SIGLEC14: variants seen among roughly 807,000 people sequenced by gnomAD.
The protein encoded by SIGLEC14 is sialic acid-binding Ig-like lectin 14.
SIGLEC14 carries 11 observed loss-of-function variants against 34.2 expected under a neutral mutation model. That is an observed-to-expected ratio of 0.32 (90% CI 0.20 to 0.53). The LOEUF (loss-of-function observed/expected upper bound fraction) is 0.53. Ranked by LOEUF, SIGLEC14 falls within the 20% of genes least tolerant of loss-of-function variation. The probability of loss-of-function intolerance (pLI) is 0.95; values close to 1 mark genes in which losing one functional copy is unlikely to be tolerated. For synonymous variants in SIGLEC14, 99 were observed against 179.7 expected (o/e 0.55, Z 3.59); for missense variants, 264 against 439.0 (o/e 0.60, Z 3.56).
rs1299088258 is a variant in SIGLEC14, at chr19:51,642,808, G to C, written c.*547C>G. On this transcript the variant is annotated 3_prime_UTR_variant, in exon 7 of 7. Transcript: ENST00000360844. ...GAGGCCAATGCAGTGGATTGCTTGA[G>C]GTCAGGAGTTCGAGACCTGGCCAAC... 1 of 141,706 alleles carries C rather than the reference G, an allele frequency of 7.1e-6. No homozygotes were observed. Among genetic ancestry groups the C allele is most frequent in the African/African-American group, 2.9e-5 (1 of 34,876 alleles). 8.8% of individuals were successfully genotyped at this position (141,706 alleles called of 1,614,324 possible).
chr19:51,643,397 C>T lies in SIGLEC14; in HGVS notation c.1149G>A (p.Arg383=). The change falls in exon 7 of 7, where the codon AGG becomes AGA. Residue 383 remains arginine, a splice_region_variant and synonymous_variant. Coordinates refer to ENST00000360844, the MANE Select transcript of SIGLEC14 (RefSeq NM_001098612.3). ...CCCTGCTCTGCTGGGGGCCTCCACACCTGCAGAGCCAACATGGGCCTCAGA... is the reference window on the plus strand; with the variant it reads ...CCCTGCTCTGCTGGGGGCCTCCACATCTGCAGAGCCAACATGGGCCTCAGA... The part of the protein sequence containing the change: ...TYGLTWIYYT[R]CGGPQQSRAE... 2 of 1,515,744 alleles carry T rather than the reference C, an allele frequency of 1.3e-6. No individual in the cohort carries two copies. The highest frequency in any genetic ancestry group is 1.8e-6 in the Non-Finnish European group (2 of 1,134,762). The allele number at this position is 1,515,744 out of a possible 1,614,324, so 93.9% of individuals were successfully genotyped here. A position where few individuals can be genotyped will look rare whatever the true frequency, so the allele number is the denominator to read the frequency against.
Position 51,640,835 on chromosome 19 carries a change from C to T in SIGLEC14, c.*2520G>A, listed in dbSNP as rs114661837. Among the ~76,000 whole-genome samples the T allele has an allele frequency of 5.0e-3, 685 of 137,750 alleles. 111 individuals are homozygous for T. Among genetic ancestry groups the T allele is most frequent in the African/African-American group, 0.018 (658 of 36,066 alleles). 90.4% of individuals were successfully genotyped at this position (137,750 alleles called of 152,430 possible). A position where few individuals can be genotyped will look rare whatever the true frequency, so the allele number is the denominator to read the frequency against. On this transcript the variant is annotated 3_prime_UTR_variant, in exon 7 of 7. Coordinates refer to ENST00000360844, the MANE Select transcript of SIGLEC14 (RefSeq NM_001098612.3). ...CTAAATACAAAAAAAACTAGCCAGG[C>T]GTGATGGTGCGTGCCTGTAATCCAA...
rs552633943 is a variant in SIGLEC14 at position 51,646,543 on chromosome 19, G to A, written c.135C>T (p.Tyr45=). The A allele has an allele frequency of 1.2e-3, 630 of 534,856 alleles. 2 individuals are homozygous for A. The highest frequency in any genetic ancestry group is 1.7e-3 in the Non-Finnish European group (583 of 335,684). 33.1% of individuals were successfully genotyped at this position (534,856 alleles called of 1,614,324 possible). A position where few individuals can be genotyped will look rare whatever the true frequency, so the allele number is the denominator to read the frequency against. Residue 45 remains tyrosine (Y), a synonymous_variant, in exon 2 of 7, where the codon TAC becomes TAT. Transcript: ENST00000360844. Reference sequence around the variant, plus strand: ...GAGAGGAATACCAGGATCTCCAGGGGTAAGAGAAGGAGCAGGGCACAAGGA... The same window carrying A: ...GAGAGGAATACCAGGATCTCCAGGGATAAGAGAAGGAGCAGGGCACAAGGA... The part of the protein sequence containing the change: ...LCVLVPCSFS[Y]PWRSWYSSPP...
intron 4 of SIGLEC14, among the ~76,000 whole-genome samples, chr19:51,644,928 C>T (rs1043624174): frequency 7.3e-6 from 1 of 136,712 alleles, no homozygotes; most frequent in Admixed American, 7.1e-5. Flanking sequence ...GTGGGAAAGT[C>T]GAAGGCTCCC....
rs1983922804 is a variant in SIGLEC14 at position 51,642,275 on chromosome 19, T to A, written c.*1080A>T. Among the ~76,000 whole-genome samples the A allele has an allele frequency of 1.4e-5, 2 of 139,122 alleles. 1 individual carries two copies. Among genetic ancestry groups the A allele is most frequent in the South Asian group, 4.8e-4 (2 of 4,138 alleles). The allele number at this position is 139,122 out of a possible 152,430, so 91.3% of individuals were successfully genotyped here. A position where few individuals can be genotyped will look rare whatever the true frequency, so the allele number is the denominator to read the frequency against. Reference sequence around the variant, plus strand: ...ACTGAGAATGAGCTATTGATACGTGTAACAACGTGGATAAACTGGGAAAAC... The same window carrying A: ...ACTGAGAATGAGCTATTGATACGTGAAACAACGTGGATAAACTGGGAAAAC... On this transcript the variant is annotated 3_prime_UTR_variant, in exon 7 of 7. Coordinates refer to ENST00000360844, the MANE Select transcript of SIGLEC14 (RefSeq NM_001098612.3).
Position 51,643,565 on chromosome 19 carries a change from A to G in SIGLEC14, c.1120T>C (p.Tyr374His), listed in dbSNP as rs1460357434. The G allele has an allele frequency of 6.5e-7, 1 of 1,527,884 alleles. No individual in the cohort carries two copies. The highest frequency in any genetic ancestry group is 8.8e-7 in the Non-Finnish European group (1 of 1,139,752). 94.6% of individuals were successfully genotyped at this position (1,527,884 alleles called of 1,614,324 possible). A position where few individuals can be genotyped will look rare whatever the true frequency, so the allele number is the denominator to read the frequency against. The stretch of plus-strand genomic sequence containing the variant: ...GTATAGTAGATCCAGGTGAGGCCAT[A>G]GGTGAGGAGGAAGCCAGCCCCCATG... ...ALMGAGFLLT[Y>H]GLTWIYYTRC... The change falls in exon 6 of 7, where the codon TAT becomes CAT. Residue 374 changes from tyrosine (Y) to histidine (H), a missense_variant. Around this residue, in one of 5 missense-constraint regions of SIGLEC14, gnomAD observed 149 missense variants for 184.4 expected, o/e 0.81. Transcript: ENST00000360844.
Position 51,643,640 on chromosome 19 carries a change from T to G in SIGLEC14, c.1045A>C (p.Lys349Gln). 2.0e-6 allele frequency: 3 copies of G among 1,531,138 alleles called. 1 individual carries two copies. The highest frequency in any genetic ancestry group is 2.6e-6 in the Non-Finnish European group (3 of 1,140,710). The allele number at this position is 1,531,138 out of a possible 1,614,324, so 94.8% of individuals were successfully genotyped here. Reference sequence around the variant, plus strand: ...ACGAGGGGCCAGGAGCCCTGCTGTTTCTCAGTTACACATATGCAGGAAGAG... The same window carrying G: ...ACGAGGGGCCAGGAGCCCTGCTGTTGCTCAGTTACACATATGCAGGAAGAG... ...SSSSCICVTE[K>Q]QQGSWPLVLT... The change falls in exon 6 of 7, where the codon AAA (lysine) becomes CAA (glutamine). Residue 349 changes from lysine to glutamine, a missense_variant. Physicochemically the swap from Lys to Gln is moderately conservative, Grantham distance 53. Transcript: ENST00000360844.
chr19:51,643,237 G>T lies in SIGLEC14; in HGVS notation c.*118C>A. ...AAGTAGAAGGGGTATGGGGCAGGAA[G>T]GAAAAGAGGGGTAGTCAGTGGGATG... On this transcript the variant is annotated 3_prime_UTR_variant, in exon 7 of 7. Transcript: ENST00000360844. 1 of 1,021,290 alleles carries T rather than the reference G, an allele frequency of 9.8e-7. No individual in the cohort carries two copies. Among genetic ancestry groups the T allele is most frequent in the Non-Finnish European group, 1.4e-6 (1 of 696,624 alleles). The allele number at this position is 1,021,290 out of a possible 1,614,324, so 63.3% of individuals were successfully genotyped here.
At position 51,640,151 on chromosome 19, in the gene SIGLEC14, C is replaced by G. The variant is rs1167308837; in HGVS notation, c.*3204G>C. ...TGCTTTTATTATGAAGGAGTAAGCT[C>G]CTAGCAGAGTGAACTCACCACAACA... On this transcript the variant is annotated 3_prime_UTR_variant, in exon 7 of 7. Coordinates refer to ENST00000360844, the MANE Select transcript of SIGLEC14 (RefSeq NM_001098612.3). 1.4e-5 allele frequency among the ~76,000 whole-genome samples: 2 copies of G among 139,080 alleles called. 1 individual carries two copies. Among genetic ancestry groups the G allele is most frequent in the Non-Finnish European group, 3.1e-5 (2 of 65,012 alleles). 91.2% of individuals were successfully genotyped at this position (139,080 alleles called of 152,430 possible).
chr19:51,645,564 G>C, intron 3 of SIGLEC14, 34 bp from the exon 4 acceptor site: 2 of 1,519,548 alleles, frequency 1.3e-6, no homozygotes, highest in Non-Finnish European at 1.8e-6. Flanking sequence ...AGCTTCAGAG[G>C]TGACAAGAGG....
chr19:51,643,684 G>A lies in SIGLEC14; in HGVS notation c.1013-12C>T, dbSNP rs1478138490. The A allele has an allele frequency of 1.3e-6, 2 of 1,531,312 alleles. 1 individual carries two copies. The highest frequency in any genetic ancestry group is 2.4e-5 in the South Asian group (2 of 83,134). 94.9% of individuals were successfully genotyped at this position (1,531,312 alleles called of 1,614,324 possible). ...GGAAGAGGAGCTTCCTGGGAGAAAG[G>A]AGAAGGTAAGGTGCTGTTACCAGGC... On this transcript the variant is annotated splice_polypyrimidine_tract_variant and intron_variant, in intron 5 of 6. Coordinates refer to ENST00000360844, the MANE Select transcript of SIGLEC14 (RefSeq NM_001098612.3).
At position 51,640,985 on chromosome 19, in the gene SIGLEC14, T is replaced by A. The variant is rs866972012; in HGVS notation, c.*2370A>T. The stretch of plus-strand genomic sequence containing the variant: ...AGCGAAACTCTGTCTCAAAAAAAAA[T>A]TTTTTTTAAGTTGATTCTTTAAGAA... On this transcript the variant is annotated 3_prime_UTR_variant, in exon 7 of 7. Transcript: ENST00000360844. 5.8e-4 allele frequency among the ~76,000 whole-genome samples: 80 copies of A among 138,096 alleles called. 14 individuals are homozygous for A. Among genetic ancestry groups the A allele is most frequent in the African/African-American group, 1.9e-3 (68 of 36,386 alleles). 90.6% of individuals were successfully genotyped at this position (138,096 alleles called of 152,430 possible). A position where few individuals can be genotyped will look rare whatever the true frequency, so the allele number is the denominator to read the frequency against.
At position 51,645,387 on chromosome 19, in the gene SIGLEC14, G is replaced by A. The variant is rs1440446066; in HGVS notation, c.754+90C>T. ...GAAGGACCCAGACCCAGGGGCTGAG[G>A]GGTGAGGGAGGGTCTCCTCTCCCAA... is the stretch of plus-strand genomic sequence containing the variant. On this transcript the variant is annotated intron_variant, in intron 4 of 6. Transcript: ENST00000360844. 8 of 1,223,682 alleles carry A rather than the reference G, an allele frequency of 6.5e-6. 2 individuals are homozygous for A. In the African/African-American group the frequency reaches 8.3e-5, roughly 13 times the overall value. 75.8% of individuals were successfully genotyped at this position (1,223,682 alleles called of 1,614,324 possible).
Position 51,640,266 on chromosome 19 carries a change from G to A in SIGLEC14, c.*3089C>T, listed in dbSNP as rs1027248382. ...TTGGGAAATGGGATAAAAGAAAATA[G>A]ATTCTGGAACGGGAGTCAATATTTG... is the stretch of plus-strand genomic sequence containing the variant. On this transcript the variant is annotated 3_prime_UTR_variant, in exon 7 of 7. Transcript: ENST00000360844. Among the ~76,000 whole-genome samples, 2 of 139,246 alleles carry A rather than the reference G, an allele frequency of 1.4e-5. 1 individual carries two copies. The allele number at this position is 139,246 out of a possible 152,430, so 91.4% of individuals were successfully genotyped here. A position where few individuals can be genotyped will look rare whatever the true frequency, so the allele number is the denominator to read the frequency against.
In SIGLEC14 at chr19:51,646,489, G is replaced by T; in HGVS notation, c.189C>A (p.Asp63Glu). The T allele has an allele frequency of 1.6e-6, 1 of 617,918 alleles. No individual in the cohort carries two copies. The highest frequency in any genetic ancestry group is 3.8e-5 in the East Asian group (1 of 26,096). The allele number at this position is 617,918 out of a possible 1,614,324, so 38.3% of individuals were successfully genotyped here. ...SPPLYVYWFR[D>E]GEIPYYAEVV... The stretch of plus-strand genomic sequence containing the variant: ...CCTCAGCGTAGTATGGGATCTCCCC[G>T]TCCCGGAACCAGTAGACGTAGAGTG... The change falls in exon 2 of 7, where the codon GAC (aspartate) becomes GAA (glutamate). Residue 63 changes from aspartate to glutamate, a missense_variant. Around this residue, in one of 5 missense-constraint regions of SIGLEC14, gnomAD observed 30 missense variants for 29.7 expected, o/e 1.01. Transcript: ENST00000360844.
At chr19:51,644,253 AAGG>A (rs1248202974) in intron 4 of SIGLEC14, among the ~76,000 whole-genome samples, 1 of 137,962 alleles carries the variant, frequency 7.2e-6, no homozygotes, top group Admixed American at 7.0e-5. Context: ...TTCTCACATT[AAGG>A]AGAAGTGGAT....
At position 51,643,991 on chromosome 19, in the gene SIGLEC14, C is replaced by A. The variant is rs776116732; in HGVS notation, c.800G>T (p.Gly267Val). ...SNGMSVPIQE[G>V]QSLFLACTVD... ...TGTGCAGGCGAGGAACAGGGACTGGCCCTCCTGGATGGGCACCGACATGCC... is the reference window on the plus strand; with the variant it reads ...TGTGCAGGCGAGGAACAGGGACTGGACCTCCTGGATGGGCACCGACATGCC... Residue 267 changes from glycine to valine, a missense_variant, in exon 5 of 7, where the codon GGC becomes GTC. Around this residue, in one of 5 missense-constraint regions of SIGLEC14, gnomAD observed 149 missense variants for 184.4 expected, o/e 0.81. Transcript: ENST00000360844. The A allele has an allele frequency of 6.5e-7, 1 of 1,529,590 alleles. No homozygotes were observed. Among genetic ancestry groups the A allele is most frequent in the Non-Finnish European group, 8.8e-7 (1 of 1,139,408 alleles). 94.8% of individuals were successfully genotyped at this position (1,529,590 alleles called of 1,614,324 possible). A position where few individuals can be genotyped will look rare whatever the true frequency, so the allele number is the denominator to read the frequency against.
Position 51,640,382 on chromosome 19 carries a change from C to T in SIGLEC14, c.*2973G>A, listed in dbSNP as rs1600109125. On this transcript the variant is annotated 3_prime_UTR_variant, in exon 7 of 7. Transcript: ENST00000360844. ...AGTGGCTGCTAAAATTCTAATACAA[C>T]TCCTTCCATCTTTCTGGACTGAGAA... Among the ~76,000 whole-genome samples the T allele has an allele frequency of 7.2e-6, 1 of 139,004 alleles. No individual in the cohort carries two copies. The highest frequency in any genetic ancestry group is 2.7e-5 in the African/African-American group (1 of 36,596). 91.2% of individuals were successfully genotyped at this position (139,004 alleles called of 152,430 possible).
intron 6 of SIGLEC14, 58 bp downstream of exon 6, chr19:51,643,479 G>GGGGGGGGGGGGGCCCCC: frequency 2.3e-6 from 3 of 1,296,382 alleles, no homozygotes; most frequent in Non-Finnish European, 3.0e-6. Flanking sequence ...CCTGGGGCAG[G>GGGGGGGGGGGGGCCCCC]ACAGCTCAGC....
Sources: gnomAD v4.1 joint callset for allele counts (sites outside exome capture counted in the v4.1 genomes callset) on GRCh38, gnomAD v4.1.1 for gene constraint, gnomAD v4.1.1 regional missense constraint, MANE v1.5 for transcripts, NCBI Gene and HGNC (gene_info 2026-07-23, HGNC 2026-07-21) for gene names.